Variants in ZNF429 observed in about 807,000 individuals in gnomAD.
ZNF429 encodes the protein zinc finger protein 429.
ZNF429 carries 53 observed loss-of-function variants against 56.8 expected under a neutral mutation model. That is an observed-to-expected ratio of 0.93 (90% CI 0.75 to 1.17). The LOEUF (loss-of-function observed/expected upper bound fraction) is 1.17, where lower values mean the gene tolerates loss of function less well. ZNF429 is among the 50% of genes most tolerant of loss of function. The pLI is 0.00. For synonymous variants in ZNF429, 278 were observed against 264.7 expected (o/e 1.05, Z -0.49); for missense variants, 849 against 788.4 (o/e 1.08, Z -0.92).
intron 1 of ZNF429, among the ~76,000 whole-genome samples, chr19:21,516,827 C>A (rs998594231): frequency 1.3e-5 from 2 of 152,092 alleles, no homozygotes; most frequent in East Asian, 3.9e-4. Flanking sequence ...GTTTTTCAGT[C>A]TAAAGAGCTT....
intron 3 of ZNF429, 62 bp from the exon 4 acceptor site, chr19:21,536,218 T>C: frequency 2.0e-6 from 3 of 1,469,008 alleles, no homozygotes; most frequent in Non-Finnish European, 1.8e-6. Flanking sequence ...AGGTTTTGTT[T>C]GTGACGTATA....
chr19:21,512,305 A>C (rs535277402), intron 1 of ZNF429, among the ~76,000 whole-genome samples: 16 of 151,962 alleles, frequency 1.1e-4, no homozygotes, highest in Non-Finnish European at 2.1e-4. Flanking sequence ...TGGCTCCTTT[A>C]CTGCCGTCTG....
intron 1 of ZNF429, among the ~76,000 whole-genome samples, chr19:21,519,916 C>CAGTG (rs899443824): frequency 1.3e-5 from 2 of 149,084 alleles, no homozygotes; most frequent in African/African-American, 5.0e-5. Context: ...GGCTGGAGTG[C>CAGTG]AGTGGCATGA....
chr19:21,532,956 A>G, intron 3 of ZNF429, among the ~76,000 whole-genome samples: 44 of 152,228 alleles, frequency 2.9e-4, no homozygotes, highest in African/African-American at 8.2e-4. Context: ...CGGCCTCTCA[A>G]AGTGCTAGGA....
chr19:21,511,131 G>A lies in ZNF429; in HGVS notation c.3+5357G>A, dbSNP rs542815460. Among the ~76,000 whole-genome samples the A allele has an allele frequency of 6.2e-4, 93 of 149,222 alleles. No homozygotes were observed. In the South Asian group the frequency reaches 0.019, roughly 31 times the overall value. Reference sequence around the variant, plus strand: ...AGACGGGGTGGTGGCCGGGCAGAGGGGCTCCTCACTTCCCAGAAGGGGCGG... The same window carrying A: ...AGACGGGGTGGTGGCCGGGCAGAGGAGCTCCTCACTTCCCAGAAGGGGCGG... On this transcript the variant is annotated intron_variant, in intron 1 of 3. Coordinates refer to ENST00000358491, the MANE Select transcript of ZNF429 (RefSeq NM_001001415.4).
At chr19:21,524,786 A>G (rs746146472) in intron 1 of ZNF429, among the ~76,000 whole-genome samples, 2 of 152,174 alleles carry the variant, frequency 1.3e-5, no homozygotes, top group Admixed American at 6.5e-5. Context: ...TCAGGATGAT[A>G]AGAGTGGTTA....
Position 21,536,645 on chromosome 19 carries a change from G to C in ZNF429, c.592G>C (p.Glu198Gln), listed in dbSNP as rs771405438. The part of the protein sequence containing the change: ...LTQHKKIHIR[E>Q]NTYRCKEFGN... ...TCAACATAAGAAAATTCATATTAGA[G>C]AGAATACCTACAGATGTAAAGAATT... Residue 198 changes from glutamate (E) to glutamine (Q), a missense_variant, in exon 4 of 4, where the codon GAG becomes CAG. Coordinates refer to ENST00000358491, the MANE Select transcript of ZNF429 (RefSeq NM_001001415.4). 1.2e-6 allele frequency: 2 copies of C among 1,613,710 alleles called. No individual in the cohort carries two copies. The highest frequency in any genetic ancestry group is 1.1e-5 in the South Asian group (1 of 91,066).
intron 1 of ZNF429, among the ~76,000 whole-genome samples, chr19:21,522,394 G>GT (rs1401973099): frequency 6.6e-6 from 1 of 152,200 alleles, no homozygotes; most frequent in Non-Finnish European, 1.5e-5. Context: ...CAAATTGACT[G>GT]TGGTGCATGT....
intron 1 of ZNF429, among the ~76,000 whole-genome samples, chr19:21,516,496 A>G (rs977292888): frequency 1.3e-5 from 2 of 152,148 alleles, no homozygotes; most frequent in Non-Finnish European, 2.9e-5. Flanking sequence ...TGGTAGTTTG[A>G]TAGAAATGGC....
At chr19:21,513,099 C>G (rs1179609031) in intron 1 of ZNF429, among the ~76,000 whole-genome samples, 1 of 151,980 alleles carries the variant, frequency 6.6e-6, no homozygotes, top group Non-Finnish European at 1.5e-5. Flanking sequence ...TCTCGATCTC[C>G]TGACCTCATG....
At chr19:21,531,247 G>A in intron 3 of ZNF429, among the ~76,000 whole-genome samples, 1 of 151,388 alleles carries the variant, frequency 6.6e-6, no homozygotes, top group Admixed American at 6.6e-5. Flanking sequence ...CTTGTAACAA[G>A]CCAACTAAAG....
In ZNF429 at chr19:21,537,325, C is replaced by A; in HGVS notation, c.1272C>A (p.Pro424=). Residue 424 remains proline (P), a synonymous_variant, in exon 4 of 4, where the codon CCC becomes CCA. Transcript: ENST00000358491. ...QDKKIHTGEK[P]YNCEECGKVF... is the part of the protein sequence containing the mutation. ...AGAAAATTCATACTGGAGAGAAACC[C>A]TACAATTGTGAAGAATGTGGCAAAG... 1 of 1,613,814 alleles carries A rather than the reference C, an allele frequency of 6.2e-7. No individual in the cohort carries two copies. Among genetic ancestry groups the A allele is most frequent in the Non-Finnish European group, 8.5e-7 (1 of 1,179,908 alleles).
intron 1 of ZNF429, among the ~76,000 whole-genome samples, chr19:21,510,380 G>A (rs2032392708): frequency 6.6e-6 from 1 of 152,240 alleles, no homozygotes; most frequent in East Asian, 1.9e-4. Flanking sequence ...GGTCTGATAT[G>A]GAAGTACAGG....
intron 1 of ZNF429, among the ~76,000 whole-genome samples, chr19:21,522,877 C>G (rs2033032438): frequency 6.7e-6 from 1 of 149,926 alleles, no homozygotes; most frequent in African/African-American, 2.5e-5. Flanking sequence ...GCCTGGGCAA[C>G]AGAGCGAGAC....
intron 1 of ZNF429, among the ~76,000 whole-genome samples, chr19:21,527,475 A>G (rs1249313827): frequency 6.6e-6 from 1 of 152,184 alleles, no homozygotes; most frequent in African/African-American, 2.4e-5. Flanking sequence ...GAAAGCTTCA[A>G]GACACATTCA....
intron 1 of ZNF429, among the ~76,000 whole-genome samples, chr19:21,519,907 G>A (rs1212971707): frequency 6.6e-6 from 1 of 151,292 alleles, no homozygotes; most frequent in Non-Finnish European, 1.5e-5. Context: ...TGTTGCCCGG[G>A]CTGGAGTGCA....
intron 1 of ZNF429, among the ~76,000 whole-genome samples, chr19:21,506,759 A>ATTTTT (rs2032180540): frequency 9.3e-6 from 1 of 107,330 alleles, no homozygotes. Flanking sequence ...CATTTGAGTT[A>ATTTTT]GTTTTTTGTT....
rs1322206070 is a variant in ZNF429 at position 21,539,542 on chromosome 19, C to T, written c.*1464C>T. On this transcript the variant is annotated 3_prime_UTR_variant, in exon 4 of 4. Coordinates refer to ENST00000358491, the MANE Select transcript of ZNF429 (RefSeq NM_001001415.4). ...GTTCAAGCAGTTCTCCTGCCACAGC[C>T]TCCTGAGTAGCTGGGAATACAGGCA... is the stretch of plus-strand genomic sequence containing the variant. 6.6e-6 allele frequency among the ~76,000 whole-genome samples: 1 copy of T among 151,724 alleles called. No individual in the cohort carries two copies.
rs2033797733 is a variant in ZNF429 at position 21,538,205 on chromosome 19, G to T, written c.*127G>T. On this transcript the variant is annotated 3_prime_UTR_variant, in exon 4 of 4. Transcript: ENST00000358491. ...GAGGCAGGAGAATGGCCTGAACCCG[G>T]AGGTGGAGCTTGCATTGAGCCAAGA... The T allele has an allele frequency of 2.3e-6, 1 of 440,800 alleles. No individual in the cohort carries two copies. The highest frequency in any genetic ancestry group is 3.7e-5 in the Admixed American group (1 of 27,336). 27.3% of individuals were successfully genotyped at this position (440,800 alleles called of 1,614,324 possible). A position where few individuals can be genotyped will look rare whatever the true frequency, so the allele number is the denominator to read the frequency against.
Sources: gnomAD v4.1 joint callset for allele counts (sites outside exome capture counted in the v4.1 genomes callset) on GRCh38, gnomAD v4.1.1 for gene constraint, MANE v1.5 for transcripts, NCBI Gene and HGNC (gene_info 2026-07-23, HGNC 2026-07-21) for gene names.